BMPR1B: variants seen among roughly 807,000 people sequenced by gnomAD.
BMPR1B encodes bone morphogenetic protein receptor type 1B, also known as bone morphogenetic protein receptor type-1B.
A neutral mutation model predicts 59.1 loss-of-function variants in BMPR1B; 12 were observed. That is an observed-to-expected ratio of 0.20 (90% CI 0.13 to 0.33). The LOEUF (loss-of-function observed/expected upper bound fraction) is 0.33, where lower values mean the gene tolerates loss of function less well. Ranked by LOEUF, BMPR1B falls within the 10% of genes least tolerant of loss-of-function variation. The pLI is 1.00. For synonymous variants in BMPR1B, 237 were observed against 207.3 expected (o/e 1.14, Z -1.23); for missense variants, 550 against 610.9 (o/e 0.90, Z 1.05).
intron 1 of BMPR1B, among the ~76,000 whole-genome samples, chr4:94,809,646 G>A: frequency 6.6e-6 from 1 of 152,190 alleles, no homozygotes; most frequent in Admixed American, 6.5e-5. Context: ...ACATTGTACT[G>A]CTCCACCCCA....
chr4:95,039,943 T>C (rs143786380), intron 3 of BMPR1B, among the ~76,000 whole-genome samples: 241 of 152,310 alleles, frequency 1.6e-3, no homozygotes, highest in African/African-American at 5.4e-3. Flanking sequence ...AATACTTTTA[T>C]ATGCACATAG....
At chr4:94,904,114 G>T (rs1283616212) in intron 2 of BMPR1B, among the ~76,000 whole-genome samples, 1 of 151,912 alleles carries the variant, frequency 6.6e-6, no homozygotes, top group Non-Finnish European at 1.5e-5. Flanking sequence ...TTTCAAATGT[G>T]TATTCCATAC....
chr4:95,034,595 T>G (rs901540285), intron 3 of BMPR1B, among the ~76,000 whole-genome samples: 3 of 152,104 alleles, frequency 2.0e-5, no homozygotes, highest in African/African-American at 7.2e-5. Flanking sequence ...CAGATTACTG[T>G]GAATGCCATT....
intron 1 of BMPR1B, 95 bp downstream of exon 1, chr4:94,758,163 G>A (rs952252743): frequency 2.3e-4 from 34 of 151,044 alleles, no homozygotes; most frequent in African/African-American, 7.5e-4. Context: ...GGCAGAGCGA[G>A]GGGCGGCGCG....
intron 3 of BMPR1B, among the ~76,000 whole-genome samples, chr4:95,035,253 C>T (rs1004602538): frequency 1.3e-5 from 2 of 152,072 alleles, no homozygotes; most frequent in African/African-American, 4.8e-5. Flanking sequence ...CTGATTATTT[C>T]TTTTGCTTTG....
chr4:95,149,591 G>A (rs187906354), intron 11 of BMPR1B, among the ~76,000 whole-genome samples: 34 of 152,176 alleles, frequency 2.2e-4, no homozygotes, highest in African/African-American at 8.0e-4. Context: ...GTCTGTCTTC[G>A]AGTAAATTCT....
At chr4:94,875,679 A>G (rs1335685345) in intron 1 of BMPR1B, among the ~76,000 whole-genome samples, 152 bp from the exon 2 acceptor site, 10 of 152,166 alleles carry the variant, frequency 6.6e-5, no homozygotes, top group Non-Finnish European at 4.4e-5. Flanking sequence ...GCGAGACTCC[A>G]TCTCAAAAGA....
chr4:94,922,996 C>T (rs9790597), intron 2 of BMPR1B, among the ~76,000 whole-genome samples: 2,764 of 152,186 alleles, frequency 0.018, 258 homozygotes, highest in Admixed American at 0.15. Flanking sequence ...TCTATGCTGC[C>T]ATTAGGTTAA....
At chr4:94,793,002 A>AACT (rs1033631662) in intron 1 of BMPR1B, among the ~76,000 whole-genome samples, 2 of 4,220 alleles carry the variant, frequency 4.7e-4, no homozygotes, top group Non-Finnish European at 7.3e-4. Flanking sequence ...ATCTATAGAA[A>AACT]ACTTTTTTTT....
chr4:94,869,924 T>C (rs1000650311), intron 1 of BMPR1B, among the ~76,000 whole-genome samples: 2 of 152,196 alleles, frequency 1.3e-5, no homozygotes, highest in Admixed American at 1.3e-4. Flanking sequence ...ATAACAAGTA[T>C]CTTTTAGACT....
At chr4:94,936,606 C>G (rs928995920) in intron 2 of BMPR1B, among the ~76,000 whole-genome samples, 1 of 152,010 alleles carries the variant, frequency 6.6e-6, no homozygotes, top group Admixed American at 6.6e-5. Flanking sequence ...TAAAGAGTTT[C>G]CAGTGTAGGC....
At chr4:94,901,468 G>A (rs1363615785) in intron 2 of BMPR1B, among the ~76,000 whole-genome samples, 1 of 151,954 alleles carries the variant, frequency 6.6e-6, no homozygotes, top group Non-Finnish European at 1.5e-5. Flanking sequence ...CCGGATGGCA[G>A]TTTATTACTG....
intron 10 of BMPR1B, among the ~76,000 whole-genome samples, chr4:95,133,903 G>A (rs1733569064): frequency 6.6e-6 from 1 of 151,016 alleles, no homozygotes; most frequent in Admixed American, 6.6e-5. Flanking sequence ...ATACTTTTAA[G>A]TTCTAGGGTA....
At chr4:95,085,261 A>G (rs1044314547) in intron 3 of BMPR1B, among the ~76,000 whole-genome samples, 1 of 152,142 alleles carries the variant, frequency 6.6e-6, no homozygotes, top group African/African-American at 2.4e-5. Flanking sequence ...GTGTGAGAAG[A>G]GATGGGATCC....
intron 1 of BMPR1B, among the ~76,000 whole-genome samples, chr4:94,794,533 T>G (rs1723112009): frequency 7.5e-6 from 1 of 133,006 alleles, no homozygotes; most frequent in Admixed American, 7.1e-5. Context: ...AACTTGAAAG[T>G]AGTTTTTTCC....
intron 10 of BMPR1B, among the ~76,000 whole-genome samples, chr4:95,134,026 C>G (rs762172357): frequency 6.6e-6 from 1 of 152,100 alleles, no homozygotes; most frequent in South Asian, 2.1e-4. Context: ...ATCCCTCCCC[C>G]CTCCACCCCA....
At chr4:94,940,571 A>G (rs769072038) in intron 2 of BMPR1B, among the ~76,000 whole-genome samples, 8 of 152,204 alleles carry the variant, frequency 5.3e-5, no homozygotes, top group Non-Finnish European at 8.8e-5. Flanking sequence ...ACTGAGTTGT[A>G]TAATACGTGT....
rs1339826923 is a variant in BMPR1B, at chr4:94,902,247, CACAGAGAG to C, written c.-113+26349_-113+26356del. On this transcript the variant is annotated intron_variant, in intron 2 of 12. Coordinates refer to ENST00000515059, the MANE Select transcript of BMPR1B (RefSeq NM_001203.3). ...ACACACACACACACACACACACACA[CACAGAGAG>C]AGAGAGAGAGAGAGAGAGAGAGAGA... Among the ~76,000 whole-genome samples, 735 of 84,658 alleles carry C rather than the reference CACAGAGAG, an allele frequency of 8.7e-3. 2 individuals are homozygous for C. Among genetic ancestry groups the C allele is most frequent in the African/African-American group, 0.025 (506 of 20,388 alleles). 55.5% of individuals were successfully genotyped at this position (84,658 alleles called of 152,430 possible). A position where few individuals can be genotyped will look rare whatever the true frequency, so the allele number is the denominator to read the frequency against.
chr4:94,808,892 TA>T (rs1227125193), intron 1 of BMPR1B, among the ~76,000 whole-genome samples: 11 of 152,054 alleles, frequency 7.2e-5, no homozygotes, highest in Admixed American at 6.6e-4. Flanking sequence ...CCATCTCTAC[TA>T]AAAATACAAA....
Sources: allele counts gnomAD v4.1 joint callset (sites outside exome capture counted in the v4.1 genomes callset), GRCh38; gene constraint gnomAD v4.1.1; transcripts MANE v1.5; gene names NCBI Gene and HGNC (gene_info 2026-07-23, HGNC 2026-07-21).